The following SORBS2 variants were observed in gnomAD, a reference collection of about 807,000 sequenced individuals.
SORBS2 encodes sorbin and SH3 domain containing 2.
Under a neutral mutation model 97.7 loss-of-function variants are expected in SORBS2, and 46 were observed. The observed-to-expected ratio is 0.47, with a 90% confidence interval of 0.37 to 0.60. SORBS2 has a LOEUF of 0.60. Ranked by LOEUF, SORBS2 falls within the 20% of genes least tolerant of loss-of-function variation. The pLI is 0.00. For missense variants in SORBS2, 1,316 were observed against 1,282.3 expected (o/e 1.03, Z -0.40); for synonymous variants, 476 against 473.4 (o/e 1.01, Z -0.07).
At chr4:185,840,853 C>T (rs1375693716) in intron 1 of SORBS2, among the ~76,000 whole-genome samples, 4 of 152,044 alleles carry the variant, frequency 2.6e-5, no homozygotes, top group Non-Finnish European at 5.9e-5. Context: ...GACCCATAGA[C>T]TGACTCATAT....
intron 1 of SORBS2, among the ~76,000 whole-genome samples, chr4:185,838,919 C>G (rs2099209815): frequency 6.6e-6 from 1 of 152,180 alleles, no homozygotes; most frequent in African/African-American, 2.4e-5. Flanking sequence ...TCAGCCACCA[C>G]AGGGTTCTCA....
chr4:185,832,412 A>G (rs898725712), intron 1 of SORBS2, among the ~76,000 whole-genome samples: 1 of 152,188 alleles, frequency 6.6e-6, no homozygotes, highest in South Asian at 2.1e-4. Flanking sequence ...ATGTTTACTT[A>G]CTTTACTTCT....
chr4:185,684,842 G>T lies in SORBS2; in HGVS notation c.-197-6020C>A. 1 of 1,551,592 alleles carries T rather than the reference G, an allele frequency of 6.4e-7. No individual in the cohort carries two copies. The highest frequency in any genetic ancestry group is 8.7e-7 in the Non-Finnish European group (1 of 1,146,850). ...CGGCACGTTTGCGAGCACACCCACCGCTATCTGGAAGCAAAAAAATGATAT... is the reference window on the plus strand; with the variant it reads ...CGGCACGTTTGCGAGCACACCCACCTCTATCTGGAAGCAAAAAAATGATAT... On this transcript the variant is annotated intron_variant, in intron 2 of 20. Coordinates refer to the SORBS2 transcript ENST00000284776. This position sits in a 1 kb window ranked among gnomAD's most constrained non-coding sequence, Gnocchi z 4.2.
chr4:185,752,515 A>T (rs911807947), intron 2 of SORBS2, among the ~76,000 whole-genome samples: 1 of 152,096 alleles, frequency 6.6e-6, no homozygotes, highest in African/African-American at 2.4e-5. Flanking sequence ...TGACCTTGTG[A>T]TCTGCCCGCC....
At chr4:185,675,153 A>AGCCT (rs1465159517) in intron 4 of SORBS2, 4 of 152,246 alleles carry the variant, frequency 2.6e-5, no homozygotes, top group African/African-American at 7.2e-5. Context: ...GTCTCTGCGC[A>AGCCT]GCCTGGATAA....
chr4:185,684,918 G>A lies in SORBS2; in HGVS notation c.-197-6096C>T, dbSNP rs2097926513. ...GCACGTGCAATATCATGCGTTTTAA[G>A]AGAAATGTGCCAGACATCCATGAGA... is the stretch of plus-strand genomic sequence containing the variant. On this transcript the variant is annotated intron_variant, in intron 2 of 20. Coordinates refer to the SORBS2 transcript ENST00000284776. This position sits in a 1 kb window ranked among gnomAD's most constrained non-coding sequence, Gnocchi z 4.2. 8.7e-7 allele frequency: 1 copy of A among 1,147,046 alleles called. No homozygotes were observed. Among genetic ancestry groups the A allele is most frequent in the Non-Finnish European group, 1.3e-6 (1 of 784,384 alleles). The allele number at this position is 1,147,046 out of a possible 1,614,324, so 71.1% of individuals were successfully genotyped here. A position where few individuals can be genotyped will look rare whatever the true frequency, so the allele number is the denominator to read the frequency against.
intron 1 of SORBS2, among the ~76,000 whole-genome samples, chr4:185,793,044 G>A (rs546600788): frequency 6.6e-6 from 1 of 152,336 alleles, no homozygotes; most frequent in African/African-American, 2.4e-5. Context: ...CTGACACACT[G>A]TGCATTGAAT....
At chr4:185,701,171 A>T (rs1283779027) in intron 2 of SORBS2, among the ~76,000 whole-genome samples, 1 of 152,142 alleles carries the variant, frequency 6.6e-6, no homozygotes, top group East Asian at 1.9e-4. Flanking sequence ...TACAGAAATA[A>T]ACTCTCAACA....
At chr4:185,812,538 T>C (rs1387613960) in intron 1 of SORBS2, among the ~76,000 whole-genome samples, 1 of 152,204 alleles carries the variant, frequency 6.6e-6, no homozygotes, top group Non-Finnish European at 1.5e-5. Flanking sequence ...GTTAATAACA[T>C]GCAAATCACT....
chr4:185,811,270 G>A (rs558593735), intron 1 of SORBS2, among the ~76,000 whole-genome samples: 1 of 152,268 alleles, frequency 6.6e-6, no homozygotes, highest in Admixed American at 6.5e-5. Flanking sequence ...AAAAAGAAAT[G>A]CTTCTCATGT....
Position 185,684,679 on chromosome 4 carries a change from A to T in SORBS2, c.-197-5857T>A. 1 of 1,073,340 alleles carries T rather than the reference A, an allele frequency of 9.3e-7. No individual in the cohort carries two copies. Among genetic ancestry groups the T allele is most frequent in the Non-Finnish European group, 1.4e-6 (1 of 733,468 alleles). The allele number at this position is 1,073,340 out of a possible 1,614,324, so 66.5% of individuals were successfully genotyped here. A position where few individuals can be genotyped will look rare whatever the true frequency, so the allele number is the denominator to read the frequency against. On this transcript the variant is annotated intron_variant, in intron 2 of 20. Transcript: ENST00000284776. This position sits in a 1 kb window ranked among gnomAD's most constrained non-coding sequence, Gnocchi z 4.2. ...AAGATCTCATTTTCCTTTGCTTTTT[A>T]CGTTTAGAACAAAAACAGTCAGAAG...
At chr4:185,880,319 T>G (rs552846039) in intron 1 of SORBS2, among the ~76,000 whole-genome samples, 1 of 152,222 alleles carries the variant, frequency 6.6e-6, no homozygotes, top group Non-Finnish European at 1.5e-5. Flanking sequence ...TTACTCTGCA[T>G]AGTCGGGGAG....
At chr4:185,611,579 A>C (rs1424204213) in intron 12 of SORBS2, among the ~76,000 whole-genome samples, 1 of 152,204 alleles carries the variant, frequency 6.6e-6, no homozygotes, top group African/African-American at 2.4e-5. Context: ...AAAATTAATC[A>C]TTAAATCTTT....
At chr4:185,908,266 C>A (rs2099252273) in intron 1 of SORBS2, among the ~76,000 whole-genome samples, 2 of 101,604 alleles carry the variant, frequency 2.0e-5, no homozygotes, top group African/African-American at 4.6e-5. Context: ...ACTAGTGAAC[C>A]CATGCAAAGG....
intron 2 of SORBS2, among the ~76,000 whole-genome samples, chr4:185,760,896 C>T (rs1406982975): frequency 1.3e-5 from 2 of 152,246 alleles, no homozygotes; most frequent in African/African-American, 2.4e-5. Flanking sequence ...TCGGAATAAT[C>T]TGTCACCATG....
At chr4:185,649,400 T>A in intron 3 of SORBS2, 67 bp downstream of exon 12, 1 of 1,308,596 alleles carries the variant, frequency 7.6e-7, no homozygotes, top group Non-Finnish European at 1.0e-6. Context: ...ATTCTTCTAC[T>A]GAATGCCATG....
chr4:185,946,850 A>G (rs2099274758), intron 1 of SORBS2, among the ~76,000 whole-genome samples: 1 of 152,256 alleles, frequency 6.6e-6, no homozygotes, highest in African/African-American at 2.4e-5. Flanking sequence ...TAATTAAATA[A>G]AATGCAAAAT....
intron 1 of SORBS2, among the ~76,000 whole-genome samples, chr4:185,802,918 A>T (rs1029579908): frequency 6.6e-6 from 1 of 151,964 alleles, no homozygotes; most frequent in African/African-American, 2.4e-5. Context: ...ATACTCTTTC[A>T]CTCTCTGAGG....
At chr4:185,748,950 G>A (rs2153596087) in intron 2 of SORBS2, among the ~76,000 whole-genome samples, 1 of 152,340 alleles carries the variant, frequency 6.6e-6, no homozygotes, top group Middle Eastern at 3.4e-3. Flanking sequence ...ACCTGGGGAA[G>A]AATGCAGGAG....
Sources: allele counts gnomAD v4.1 joint callset (sites outside exome capture counted in the v4.1 genomes callset), GRCh38; gene constraint gnomAD v4.1.1; non-coding constraint Gnocchi (gnomAD v3.1); transcripts MANE v1.5; gene names NCBI Gene and HGNC (gene_info 2026-07-23, HGNC 2026-07-21).